PHEX: variants seen among roughly 807,000 people sequenced by gnomAD.
PHEX encodes the protein phosphate regulating endopeptidase X-linked, also known as phosphate-regulating neutral endopeptidase PHEX.
PHEX carries 16 observed loss-of-function variants against 68.0 expected under a neutral mutation model. The observed-to-expected ratio is 0.24, with a 90% confidence interval of 0.16 to 0.36. The LOEUF is 0.36. Ranked by LOEUF, PHEX falls within the 10% of genes least tolerant of loss-of-function variation. The pLI is 1.00. For synonymous variants in PHEX, 208 were observed against 205.1 expected (o/e 1.01, Z -0.12); for missense variants, 480 against 575.5 (o/e 0.83, Z 1.70).
chrX:22,215,129 T>G (rs1179221636), intron 16 of PHEX, among the ~76,000 whole-genome samples: 2 of 111,777 alleles, frequency 1.8e-5, no homozygotes, highest in African/African-American at 6.5e-5. Context: ...CTGAAGTTAT[T>G]GATGAAGTAA....
rs1169773630 is a variant in PHEX, at chrX:22,077,636, C to A, written c.597C>A (p.Ser199Arg). Residue 199 changes from serine (S) to arginine (R), a missense_variant, in exon 5 of 22, where the codon AGC (serine) becomes AGA (arginine). Ser to Arg is a moderately radical substitution (Grantham distance 110, BLOSUM62 -1). Transcript: ENST00000379374. ...TTGCAACGTTTCGTGGTCAATACAGCAATTCTGTGTTCATCCGTTTGTATG... is the reference window on the plus strand; with the variant it reads ...TTGCAACGTTTCGTGGTCAATACAGAAATTCTGTGTTCATCCGTTTGTATG... ...QTLATFRGQY[S>R]NSVFIRLYVS... The A allele has an allele frequency of 8.3e-7, 1 of 1,208,763 alleles. No homozygotes were observed. The highest frequency in any genetic ancestry group is 2.2e-5 in the Admixed American group (1 of 45,611).
chrX:22,172,487 C>T (rs969158386), intron 13 of PHEX: 2 of 111,199 alleles, frequency 1.8e-5, no homozygotes, highest in Non-Finnish European at 3.8e-5. Flanking sequence ...GTGATGGTAC[C>T]GTCACTTAGG....
intron 17 of PHEX, among the ~76,000 whole-genome samples, chrX:22,220,542 C>A (rs1249878613): frequency 8.9e-6 from 1 of 111,890 alleles, no homozygotes; most frequent in Non-Finnish European, 1.9e-5. Context: ...TCGTTCTGGA[C>A]CTCTCTTGAT....
chrX:22,186,271 G>A (rs761608153), intron 14 of PHEX, among the ~76,000 whole-genome samples: 19 of 111,959 alleles, frequency 1.7e-4, no homozygotes, highest in Admixed American at 5.7e-4. Flanking sequence ...GAGGGAGGGT[G>A]TGTTTGTATG....
chrX:22,152,645 G>A, intron 12 of PHEX, among the ~76,000 whole-genome samples: 1 of 112,036 alleles, frequency 8.9e-6, no homozygotes, highest in Non-Finnish European at 1.9e-5. Flanking sequence ...ATACAAAAGA[G>A]TACACACTTT....
intron 10 of PHEX, among the ~76,000 whole-genome samples, chrX:22,114,098 C>T (rs1931120567): frequency 9.3e-6 from 1 of 108,034 alleles, no homozygotes; most frequent in African/African-American, 3.4e-5. Flanking sequence ...TACAGGCATG[C>T]ACCACCGTGC....
chrX:22,076,269 C>T, intron 3 of PHEX, 119 bp from the exon 4 acceptor site: 1 of 534,121 alleles, frequency 1.9e-6, no homozygotes, highest in Non-Finnish European at 3.4e-6. Context: ...TTTGTCTTTT[C>T]CAGGGTTGTC....
At chrX:22,247,284 C>T (rs1936419059) in intron 21 of PHEX, among the ~76,000 whole-genome samples, 1 of 112,315 alleles carries the variant, frequency 8.9e-6, no homozygotes, top group Non-Finnish European at 1.9e-5. Flanking sequence ...ATGGATGACT[C>T]TTATAGACAT....
intron 15 of PHEX, among the ~76,000 whole-genome samples, chrX:22,208,805 T>C (rs1934795964): frequency 8.9e-6 from 1 of 112,144 alleles, no homozygotes; most frequent in Non-Finnish European, 1.9e-5. Flanking sequence ...TTCTATAATG[T>C]AACATATGTG....
intron 12 of PHEX, among the ~76,000 whole-genome samples, chrX:22,156,881 T>A (rs1038731250): frequency 3.6e-5 from 4 of 110,688 alleles, no homozygotes; most frequent in African/African-American, 1.3e-4. Flanking sequence ...TTTTTTTTTT[T>A]AATTTAATTT....
chrX:22,206,539 A>G (rs1049988047), intron 15 of PHEX, among the ~76,000 whole-genome samples: 3 of 111,618 alleles, frequency 2.7e-5, no homozygotes, highest in Non-Finnish European at 3.8e-5. Flanking sequence ...AGATGGTGGT[A>G]AGTGTTACGA....
chrX:22,119,596 C>CTTTTTT (rs774763952), intron 11 of PHEX, among the ~76,000 whole-genome samples: 4 of 98,916 alleles, frequency 4.0e-5, no homozygotes, highest in Non-Finnish European at 6.2e-5. Context: ...TTTTCTTTTT[C>CTTTTTT]TTTTTTTTTT....
intron 11 of PHEX, among the ~76,000 whole-genome samples, chrX:22,129,795 C>A (rs1207601614): frequency 9.0e-6 from 1 of 111,594 alleles, no homozygotes; most frequent in East Asian, 2.8e-4. Flanking sequence ...ACAGCATTAG[C>A]AAGCATATGC....
chrX:22,198,036 TA>T (rs1333762535), intron 15 of PHEX, among the ~76,000 whole-genome samples: 3 of 106,065 alleles, frequency 2.8e-5, no homozygotes, highest in Non-Finnish European at 5.8e-5. Context: ...AATCTAATAT[TA>T]GATACATAAT....
intron 1 of PHEX, among the ~76,000 whole-genome samples, chrX:22,037,102 A>G (rs1206860025): frequency 1.4e-5 from 1 of 72,573 alleles, no homozygotes; most frequent in Non-Finnish European, 2.7e-5. Flanking sequence ...CTTGTCTCGA[A>G]AAAAAAAAAA....
At chrX:22,144,222 T>C (rs928853704) in intron 12 of PHEX, among the ~76,000 whole-genome samples, 1 of 111,378 alleles carries the variant, frequency 9.0e-6, no homozygotes. Flanking sequence ...TCATTTTTTT[T>C]TCCCAAGTTT....
chrX:22,186,952 G>A (rs1197253365), intron 14 of PHEX, among the ~76,000 whole-genome samples: 1 of 111,896 alleles, frequency 8.9e-6, no homozygotes, highest in Non-Finnish European at 1.9e-5. Flanking sequence ...GTTATCTTTT[G>A]TATGTATTAT....
chrX:22,216,110 G>T (rs150632711), intron 16 of PHEX, among the ~76,000 whole-genome samples: 1 of 111,502 alleles, frequency 9.0e-6, no homozygotes, highest in African/African-American at 3.3e-5. Context: ...ACCCAAGCAG[G>T]GTATTATAAC....
rs748744508 is a variant in PHEX, at chrX:22,113,294, G to A, written c.1174-1164G>A. ...GATTCATCGCTTACCTCTGAGAGAG[G>A]TTACCAGAAATCAGAGGAAGAATAG... On this transcript the variant is annotated intron_variant, in intron 10 of 21. Transcript: ENST00000379374. Among the ~76,000 whole-genome samples the A allele has an allele frequency of 2.7e-5, 3 of 111,603 alleles. No homozygotes were observed. In the East Asian group the frequency reaches 8.5e-4, roughly 31 times the overall value.
Sources: allele counts gnomAD v4.1 joint callset (sites outside exome capture counted in the v4.1 genomes callset), GRCh38; gene constraint gnomAD v4.1.1; transcripts MANE v1.5; gene names NCBI Gene and HGNC (gene_info 2026-07-23, HGNC 2026-07-21).